LRRTM3: variants seen among roughly 807,000 people sequenced by gnomAD.
LRRTM3 encodes leucine-rich repeat transmembrane neuronal protein 3.
In LRRTM3, 24 loss-of-function variants were observed where a neutral mutation model predicts 44.7. The observed-to-expected ratio is 0.54, with a 90% CI of 0.39 to 0.76. The LOEUF (loss-of-function observed/expected upper bound fraction) is 0.76. LRRTM3 is among the 30% of genes least tolerant of loss of function. The pLI is 0.00. For synonymous variants in LRRTM3, 277 were observed against 278.7 expected (o/e 0.99, Z 0.06); for missense variants, 587 against 702.2 (o/e 0.84, Z 1.85).
intron 2 of LRRTM3, among the ~76,000 whole-genome samples, chr10:67,088,703 TA>T (rs1421798536): frequency 2.6e-5 from 4 of 152,094 alleles, no homozygotes; most frequent in African/African-American, 9.7e-5. Flanking sequence ...GATTTCACTA[TA>T]ATGAAGTTTT....
chr10:67,090,858 T>G (rs1360178335), intron 2 of LRRTM3, among the ~76,000 whole-genome samples: 2 of 152,038 alleles, frequency 1.3e-5, no homozygotes, highest in Non-Finnish European at 2.9e-5. Flanking sequence ...AGGCCGTCCC[T>G]GACACTTTGC....
chr10:66,951,088 T>TACACACACAC (rs3056558), intron 2 of LRRTM3, among the ~76,000 whole-genome samples: 1 of 146,066 alleles, frequency 6.8e-6, no homozygotes, highest in Non-Finnish European at 1.5e-5. Flanking sequence ...TAACATTAAA[T>TACACACACAC]ACACACACAC....
In LRRTM3 at chr10:67,100,478, A is replaced by G. The variant is rs1180055023; in HGVS notation, c.*2682A>G. On this transcript the variant is annotated 3_prime_UTR_variant, in exon 3 of 3. Coordinates refer to ENST00000361320, the MANE Select transcript of LRRTM3 (RefSeq NM_178011.5). ...AGACTGTGTCTGGAATCTTTATCAC[A>G]TATTTCCAATTTATTTCAGTTTTTG... Among the ~76,000 whole-genome samples, 1 of 151,766 alleles carries G rather than the reference A, an allele frequency of 6.6e-6. No individual in the cohort carries two copies. Among genetic ancestry groups the G allele is most frequent in the East Asian group, 1.9e-4 (1 of 5,164 alleles).
At chr10:67,003,209 C>A (rs1481405542) in intron 2 of LRRTM3, among the ~76,000 whole-genome samples, 1 of 152,258 alleles carries the variant, frequency 6.6e-6, no homozygotes, top group South Asian at 2.1e-4. Context: ...AGGCACAGTG[C>A]CTATGCTTAT....
intron 2 of LRRTM3, among the ~76,000 whole-genome samples, chr10:67,084,469 A>G (rs1239063892): frequency 1.3e-5 from 2 of 151,908 alleles, no homozygotes; most frequent in Admixed American, 6.6e-5. Context: ...ATTAATTTAA[A>G]TATTGTTTAT....
At chr10:66,978,889 A>G (rs1276912600) in intron 2 of LRRTM3, among the ~76,000 whole-genome samples, 1 of 151,182 alleles carries the variant, frequency 6.6e-6, no homozygotes. Flanking sequence ...TATTATTTGA[A>G]GGAAGCCATT....
intron 2 of LRRTM3, among the ~76,000 whole-genome samples, chr10:66,998,202 C>T (rs1851465557): frequency 6.6e-6 from 1 of 152,228 alleles, no homozygotes; most frequent in African/African-American, 2.4e-5. Flanking sequence ...TATGTCTCAT[C>T]TACCTTCCCA....
chr10:66,984,937 T>A (rs935022083), intron 2 of LRRTM3, among the ~76,000 whole-genome samples: 1 of 152,128 alleles, frequency 6.6e-6, no homozygotes, highest in Non-Finnish European at 1.5e-5. Context: ...TAATTCAAGG[T>A]AGGCACCTGC....
At chr10:67,071,054 T>G (rs945662756) in intron 2 of LRRTM3, among the ~76,000 whole-genome samples, 8 of 152,194 alleles carry the variant, frequency 5.3e-5, no homozygotes, top group Non-Finnish European at 1.0e-4. Flanking sequence ...GTTTTAAACT[T>G]CATTTATCAC....
chr10:66,995,634 T>G lies in LRRTM3; in HGVS notation c.1536+67182T>G, dbSNP rs1230400089. The stretch of plus-strand genomic sequence containing the variant: ...ACATCTCTATATTTTTTTATTAAGT[T>G]CAGGTTCTTTCCTCATCTGCTACCT... On this transcript the variant is annotated intron_variant, in intron 2 of 2. Coordinates refer to ENST00000361320, the MANE Select transcript of LRRTM3 (RefSeq NM_178011.5). Among the ~76,000 whole-genome samples, 6 of 152,218 alleles carry G rather than the reference T, an allele frequency of 3.9e-5. No individual in the cohort carries two copies. The South Asian group carries it at 8.3e-4, about 21-fold the overall frequency.
intron 2 of LRRTM3, among the ~76,000 whole-genome samples, chr10:66,998,629 T>C (rs2140369): frequency 0.53 from 80,036 of 151,926 alleles, 21,851 homozygotes; most frequent in Middle Eastern, 0.73. Flanking sequence ...GAAGTTTCTA[T>C]GGAACAATAA....
At chr10:67,016,291 A>G (rs1205621520) in intron 2 of LRRTM3, among the ~76,000 whole-genome samples, 3 of 152,214 alleles carry the variant, frequency 2.0e-5, no homozygotes, top group Admixed American at 2.0e-4. Context: ...GTTGGCAGCC[A>G]CTATTTCAGC....
Position 66,999,045 on chromosome 10 carries a change from T to C in LRRTM3, c.1536+70593T>C, listed in dbSNP as rs532160767. ...GAAATGTATTTATTACTATTTTAGT[T>C]ATAAAGAAAACGGAAGACAGGGCAA... On this transcript the variant is annotated intron_variant, in intron 2 of 2. Transcript: ENST00000361320. 3.3e-5 allele frequency among the ~76,000 whole-genome samples: 5 copies of C among 152,254 alleles called. No individual in the cohort carries two copies. The South Asian group carries it at 8.3e-4, about 25-fold the overall frequency.
At chr10:67,089,717 ATGTGTGTG>A (rs71006125) in intron 2 of LRRTM3, among the ~76,000 whole-genome samples, 19 of 144,740 alleles carry the variant, frequency 1.3e-4, no homozygotes, top group South Asian at 4.5e-4. Flanking sequence ...GTATATACAT[ATGTGTGTG>A]TGTGTGTGTG....
chr10:67,045,271 C>T (rs1490223483), intron 2 of LRRTM3, among the ~76,000 whole-genome samples: 1 of 152,112 alleles, frequency 6.6e-6, no homozygotes, highest in African/African-American at 2.4e-5. Flanking sequence ...AGAGTATAAA[C>T]ACAGATAAGA....
chr10:67,076,479 A>T (rs1005442917), intron 2 of LRRTM3, among the ~76,000 whole-genome samples: 9 of 152,220 alleles, frequency 5.9e-5, no homozygotes, highest in Non-Finnish European at 2.9e-5. Context: ...GTCTCCAAGA[A>T]TCTATTTCCA....
chr10:67,072,741 C>G (rs1187780640), intron 2 of LRRTM3, among the ~76,000 whole-genome samples: 1 of 152,128 alleles, frequency 6.6e-6, no homozygotes, highest in African/African-American at 2.4e-5. Flanking sequence ...CAGCTCATTT[C>G]TTTATCTTAG....
At chr10:67,028,634 A>G (rs1853534488) in intron 2 of LRRTM3, among the ~76,000 whole-genome samples, 1 of 139,762 alleles carries the variant, frequency 7.2e-6, no homozygotes, top group Admixed American at 7.9e-5. Context: ...CTGATACAAC[A>G]AGCTAGTTCT....
intron 2 of LRRTM3, among the ~76,000 whole-genome samples, chr10:66,956,498 A>ATAATTACAT (rs1255386171): frequency 6.6e-6 from 1 of 152,126 alleles, no homozygotes; most frequent in Non-Finnish European, 1.5e-5. Context: ...GCAATAAACA[A>ATAATTACAT]TAATTACATT....
Sources: gnomAD v4.1 joint callset for allele counts (sites outside exome capture counted in the v4.1 genomes callset) on GRCh38, gnomAD v4.1.1 for gene constraint, MANE v1.5 for transcripts, NCBI Gene and HGNC (gene_info 2026-07-23, HGNC 2026-07-21) for gene names.